VAPA: variants seen among roughly 807,000 people sequenced by gnomAD.
VAPA encodes the protein vesicle-associated membrane protein-associated protein A.
Under a neutral mutation model 25.6 loss-of-function variants are expected in VAPA, and 6 were observed. That is an observed-to-expected ratio of 0.23 (90% CI 0.13 to 0.46). VAPA has a LOEUF of 0.46. Ranked by LOEUF, VAPA falls within the 20% of genes least tolerant of loss-of-function variation. VAPA has a pLI of 0.99. For missense variants in VAPA, 244 were observed against 302.1 expected, an observed-to-expected ratio of 0.81 and a Z score of 1.43; for synonymous variants, 112 against 106.2, an observed-to-expected ratio of 1.05 and a Z score of -0.34.
chr18:9,928,089 A>G (rs1176496609), intron 1 of VAPA, among the ~76,000 whole-genome samples: 2 of 152,112 alleles, frequency 1.3e-5, no homozygotes, highest in East Asian at 3.8e-4. Flanking sequence ...AAAATGGACT[A>G]GTTAAAAAAT....
rs1272188451 is a variant in VAPA, at chr18:9,958,155, G to A, written c.*3944G>A. 6.6e-6 allele frequency: 1 copy of A among 152,060 alleles called. No homozygotes were observed. Among genetic ancestry groups the A allele is most frequent in the African/African-American group, 2.4e-5 (1 of 41,412 alleles). 9.4% of individuals were successfully genotyped at this position (152,060 alleles called of 1,614,324 possible). On this transcript the variant is annotated 3_prime_UTR_variant, in exon 6 of 6. Transcript: ENST00000400000. ...TCCCTGTAATATTAATGTTCTTTAA[G>A]CATAATCACTAATTATAAGTTGTAT...
chr18:9,921,691 G>A (rs1599097285), intron 1 of VAPA, among the ~76,000 whole-genome samples: 1 of 152,094 alleles, frequency 6.6e-6, no homozygotes, highest in Admixed American at 6.6e-5. Flanking sequence ...ATACAGGATG[G>A]ATCTTGCTCT....
chr18:9,920,390 C>A (rs1159565778), intron 1 of VAPA, among the ~76,000 whole-genome samples: 2 of 152,210 alleles, frequency 1.3e-5, no homozygotes, highest in African/African-American at 4.8e-5. Flanking sequence ...GCAACCTCTG[C>A]CTCCCGAGTT....
At chr18:9,935,597 T>C (rs552009568) in intron 2 of VAPA, among the ~76,000 whole-genome samples, 1 of 152,246 alleles carries the variant, frequency 6.6e-6, no homozygotes, top group South Asian at 2.1e-4. Flanking sequence ...AAAAAACAGA[T>C]GGTAGTGAGG....
At position 9,956,054 on chromosome 18, in the gene VAPA, T is replaced by C. The variant is rs1219102524; in HGVS notation, c.*1843T>C. On this transcript the variant is annotated 3_prime_UTR_variant, in exon 6 of 6. Transcript: ENST00000400000. ...AGTTTGGTATCTCATAGCTATCTTT[T>C]TTTAAAGAAATTAAGTTCTTGAAAA... 1 of 152,196 alleles carries C rather than the reference T, an allele frequency of 6.6e-6. No homozygotes were observed. Among genetic ancestry groups the C allele is most frequent in the African/African-American group, 2.4e-5 (1 of 41,444 alleles). 9.4% of individuals were successfully genotyped at this position (152,196 alleles called of 1,614,324 possible). A position where few individuals can be genotyped will look rare whatever the true frequency, so the allele number is the denominator to read the frequency against.
intron 4 of VAPA, among the ~76,000 whole-genome samples, chr18:9,942,245 A>G (rs75738865): frequency 0.011 from 1,667 of 152,310 alleles, 35 homozygotes; most frequent in East Asian, 0.053. Flanking sequence ...TAACCTATCA[A>G]TCACCTCAGA....
intron 4 of VAPA, among the ~76,000 whole-genome samples, chr18:9,937,816 T>C (rs898274727): frequency 5.3e-5 from 8 of 152,164 alleles, no homozygotes; most frequent in African/African-American, 1.7e-4. Context: ...TTGGTTACAA[T>C]CTGACATGAC....
intron 4 of VAPA, among the ~76,000 whole-genome samples, chr18:9,944,681 A>C (rs2069402590): frequency 6.6e-6 from 1 of 152,280 alleles, no homozygotes; most frequent in South Asian, 2.1e-4. Flanking sequence ...ATGTACATTT[A>C]ATAGGTGCAT....
chr18:9,914,500 C>G, intron 1 of VAPA, 165 bp downstream of exon 1: 1 of 487,524 alleles, frequency 2.1e-6, no homozygotes. Context: ...GCCACCTCGG[C>G]CGGCCTGCCC....
intron 5 of VAPA, among the ~76,000 whole-genome samples, chr18:9,951,645 A>G (rs887256761): frequency 6.6e-6 from 1 of 152,240 alleles, no homozygotes; most frequent in African/African-American, 2.4e-5. Context: ...CTAAATACCT[A>G]TACGTTGCTC....
At chr18:9,931,295 T>C (rs2069252226) in intron 1 of VAPA, among the ~76,000 whole-genome samples, 1 of 152,218 alleles carries the variant, frequency 6.6e-6, no homozygotes, top group Admixed American at 6.5e-5. Context: ...ATCTAGAGCA[T>C]ATGGCATAAT....
Position 9,914,292 on chromosome 18 carries a change from G to C in VAPA, c.36G>C (p.Glu12Asp), listed in dbSNP as rs373714915. The C allele has an allele frequency of 1.9e-6, 3 of 1,591,542 alleles. No homozygotes were observed. The African/African-American group carries it at 4.2e-5, about 22-fold the overall frequency. The change falls in exon 1 of 6, where the codon GAG (glutamate) becomes GAC (aspartate). Residue 12 changes from glutamate (E) to aspartate (D), a missense_variant. Glu to Asp is a conservative substitution (Grantham distance 45). Around this residue, in one of 2 missense-constraint regions of VAPA, gnomAD observed 99 missense variants for 161.6 expected, o/e 0.61. Coordinates refer to ENST00000400000, the MANE Select transcript of VAPA (RefSeq NM_194434.3). ...ASASGAMAKH[E>D]QILVLDPPTD... Reference sequence around the variant, plus strand: ...CCTCAGGGGCCATGGCGAAGCACGAGCAGATCCTGGTCCTCGATCCGCCCA... The same window carrying C: ...CCTCAGGGGCCATGGCGAAGCACGACCAGATCCTGGTCCTCGATCCGCCCA...
chr18:9,933,843 A>G (rs541936900), intron 2 of VAPA, among the ~76,000 whole-genome samples: 2 of 152,270 alleles, frequency 1.3e-5, no homozygotes, highest in African/African-American at 4.8e-5. Flanking sequence ...TGGCCAGAAG[A>G]TATAATTATT....
intron 1 of VAPA, among the ~76,000 whole-genome samples, chr18:9,918,653 T>G (rs970249754): frequency 6.6e-6 from 1 of 152,248 alleles, no homozygotes; most frequent in Non-Finnish European, 1.5e-5. Context: ...TTTGGTTTCA[T>G]TTATCTCACT....
intron 5 of VAPA, among the ~76,000 whole-genome samples, chr18:9,952,919 G>A (rs943085100): frequency 6.6e-6 from 1 of 152,126 alleles, no homozygotes; most frequent in African/African-American, 2.4e-5. Context: ...ATCCAGTAAT[G>A]CAAATAAAAC....
At chr18:9,943,840 C>CGTT (rs1281083775) in intron 4 of VAPA, among the ~76,000 whole-genome samples, 1 of 90,446 alleles carries the variant, frequency 1.1e-5, no homozygotes, top group Admixed American at 1.3e-4. Flanking sequence ...GACATATTTC[C>CGTT]CTTTTTTTTT....
At chr18:9,942,422 T>G (rs774645877) in intron 4 of VAPA, among the ~76,000 whole-genome samples, 4 of 152,016 alleles carry the variant, frequency 2.6e-5, no homozygotes, top group Non-Finnish European at 5.9e-5. Context: ...AGTCTTGAAC[T>G]TTATGATTTT....
rs1198050507 is a variant in VAPA, at chr18:9,916,825, C to T, written c.79+2490C>T. 2.0e-5 allele frequency among the ~76,000 whole-genome samples: 3 copies of T among 152,294 alleles called. No homozygotes were observed. The East Asian group carries it at 5.8e-4, about 29-fold the overall frequency. ...ACAGTTTTGCAAAATTCTTTGTCATCTTCTAGTAGGTTTATTTTAGTTATT... is the reference window on the plus strand; with the variant it reads ...ACAGTTTTGCAAAATTCTTTGTCATTTTCTAGTAGGTTTATTTTAGTTATT... On this transcript the variant is annotated intron_variant, in intron 1 of 5. Coordinates refer to ENST00000400000, the MANE Select transcript of VAPA (RefSeq NM_194434.3).
intron 1 of VAPA, among the ~76,000 whole-genome samples, chr18:9,930,910 G>A (rs927474028): frequency 1.3e-5 from 2 of 151,912 alleles, no homozygotes; most frequent in African/African-American, 4.8e-5. Context: ...CTTGAAATAA[G>A]TGTCTTTTAA....
Sources: allele counts gnomAD v4.1 joint callset (sites outside exome capture counted in the v4.1 genomes callset), GRCh38; gene constraint gnomAD v4.1.1; regional missense constraint gnomAD v4.1.1; transcripts MANE v1.5; gene names NCBI Gene and HGNC (gene_info 2026-07-23, HGNC 2026-07-21).